The following ATP10B variants were observed in gnomAD, a reference collection of about 807,000 sequenced individuals.
ATP10B encodes the protein ATPase phospholipid transporting 10B (putative), also known as phospholipid-transporting ATPase VB.
A neutral mutation model predicts 141.2 loss-of-function variants in ATP10B; 122 were observed. The observed-to-expected ratio is 0.86, with a 90% CI of 0.75 to 1.00. The LOEUF (loss-of-function observed/expected upper bound fraction) is 1.00, where lower values mean the gene tolerates loss of function less well. Ranked by LOEUF, ATP10B falls within the 50% of genes least tolerant of loss-of-function variation. The pLI is 0.00. For missense variants in ATP10B, 1,876 were observed against 1,825.3 expected, an observed-to-expected ratio of 1.03 and a Z score of -0.51; for synonymous variants, 685 against 692.0, an observed-to-expected ratio of 0.99 and a Z score of 0.16.
the ATP10B span, among the ~76,000 whole-genome samples, chr5:160,919,540 T>C: frequency 8.2e-3 from 1,254 of 152,314 alleles, 23 homozygotes; most frequent in African/African-American, 0.028. Context: ...CTCATTTTCA[T>C]AGCAGTGAGA....
intron 2 of ATP10B, among the ~76,000 whole-genome samples, chr5:160,755,398 G>A (rs551253779): frequency 1.3e-5 from 2 of 152,064 alleles, no homozygotes; most frequent in Admixed American, 6.6e-5. Context: ...TTTCGTTGTC[G>A]TGTGAACATC....
At chr5:160,829,180 A>T (rs980050581) in intron 1 of ATP10B, among the ~76,000 whole-genome samples, 3 of 151,890 alleles carry the variant, frequency 2.0e-5, no homozygotes, top group Non-Finnish European at 4.4e-5. Context: ...CACATTGTGC[A>T]CATGTACCCT....
intron 6 of ATP10B, among the ~76,000 whole-genome samples, chr5:160,675,550 G>A (rs948175479): frequency 2.0e-5 from 3 of 152,170 alleles, no homozygotes; most frequent in Non-Finnish European, 4.4e-5. Flanking sequence ...CAGGCAACTA[G>A]AGTAGAGGGG....
intron 1 of ATP10B, among the ~76,000 whole-genome samples, chr5:160,795,324 A>T (rs1280650536): frequency 6.6e-6 from 1 of 152,214 alleles, no homozygotes; most frequent in African/African-American, 2.4e-5. Flanking sequence ...TATCATGCAT[A>T]TGGGTAAAAC....
the ATP10B span, among the ~76,000 whole-genome samples, chr5:160,897,178 A>C: frequency 2.6e-5 from 4 of 152,140 alleles, no homozygotes; most frequent in African/African-American, 4.8e-5. Flanking sequence ...ACATAGTATT[A>C]GAAGTTCTGG....
Position 160,666,738 on chromosome 5 carries a change from C to A in ATP10B, c.675+3725G>T, listed in dbSNP as rs540344061. The stretch of plus-strand genomic sequence containing the variant: ...AAAGTATAAGGGAGAAGCAAGGTCG[C>A]AAAGAGCAGCCAAGATGTCTCCCTC... On this transcript the variant is annotated intron_variant, in intron 7 of 25. Transcript: ENST00000327245. Among the ~76,000 whole-genome samples, 653 of 152,294 alleles carry A rather than the reference C, an allele frequency of 4.3e-3. 1 individual carries two copies. The highest frequency in any genetic ancestry group is 0.014 in the Middle Eastern group (4 of 294).
chr5:160,876,667 A>G, the ATP10B span, among the ~76,000 whole-genome samples: 11 of 152,282 alleles, frequency 7.2e-5, no homozygotes, highest in East Asian at 9.6e-4. Context: ...AAGAGAGTAG[A>G]ATCAAATAGA....
At chr5:160,899,397 G>C in the ATP10B span, among the ~76,000 whole-genome samples, 1 of 152,118 alleles carries the variant, frequency 6.6e-6, no homozygotes, top group East Asian at 1.9e-4. Flanking sequence ...TTGGGAGACA[G>C]GGTGGTGATA....
chr5:160,771,478 T>G (rs1769898228), intron 2 of ATP10B, among the ~76,000 whole-genome samples: 1 of 152,212 alleles, frequency 6.6e-6, no homozygotes, highest in African/African-American at 2.4e-5. Flanking sequence ...AAAGGTAGAT[T>G]TCTCATAAAT....
At chr5:160,630,214 C>T (rs944227755) in intron 13 of ATP10B, among the ~76,000 whole-genome samples, 3 of 152,228 alleles carry the variant, frequency 2.0e-5, no homozygotes, top group African/African-American at 4.8e-5. Flanking sequence ...AATTTCCTTA[C>T]TGCTCCTGAA....
At chr5:160,664,570 C>A (rs1762203427) in intron 7 of ATP10B, among the ~76,000 whole-genome samples, 1 of 152,206 alleles carries the variant, frequency 6.6e-6, no homozygotes, top group African/African-American at 2.4e-5. Context: ...GTCTTTCAAA[C>A]TTTCATGTAC....
chr5:160,634,395 C>A lies in ATP10B; in HGVS notation c.1340G>T (p.Arg447Leu). The A allele has an allele frequency of 2.5e-6, 4 of 1,614,120 alleles. No homozygotes were observed. Among genetic ancestry groups the A allele is most frequent in the Admixed American group, 1.7e-5 (1 of 60,024 alleles). The stretch of plus-strand genomic sequence containing the variant: ...ATACTCGCTGCCCATGATGGTGCAA[C>A]GTCGGAACACCATCTTGTTCTCTGT... ...TLTENKMVFR[R>L]CTIMGSEYSH... The change falls in exon 12 of 26, where the codon CGT (arginine) becomes CTT (leucine). Residue 447 changes from arginine to leucine, a missense_variant. By Grantham distance (102) the Arg-to-Leu change is moderately radical (BLOSUM62 -2). Transcript: ENST00000327245.
At chr5:160,865,463 T>C in the ATP10B span, among the ~76,000 whole-genome samples, 4 of 152,260 alleles carry the variant, frequency 2.6e-5, no homozygotes, top group East Asian at 5.8e-4. Flanking sequence ...CCTGAAACCA[T>C]ACAAATTCTA....
intron 1 of ATP10B, among the ~76,000 whole-genome samples, chr5:160,788,804 C>T (rs2127901918): frequency 6.6e-6 from 1 of 152,176 alleles, no homozygotes; most frequent in South Asian, 2.1e-4. Flanking sequence ...TGTGGAGCTG[C>T]CAGAGAACAT....
intron 24 of ATP10B, among the ~76,000 whole-genome samples, chr5:160,586,192 T>C (rs1487994992): frequency 3.3e-5 from 5 of 152,256 alleles, no homozygotes; most frequent in East Asian, 1.9e-4. Flanking sequence ...TGTGTTCTCA[T>C]TGTTGAACTC....
chr5:160,892,069 C>A, the ATP10B span, among the ~76,000 whole-genome samples: 3 of 152,332 alleles, frequency 2.0e-5, no homozygotes, highest in East Asian at 5.8e-4. Context: ...TTATTTGCTT[C>A]AGTCAGTAAA....
intron 2 of ATP10B, among the ~76,000 whole-genome samples, chr5:160,733,017 T>C (rs1263187251): frequency 1.3e-5 from 2 of 152,180 alleles, no homozygotes; most frequent in African/African-American, 4.8e-5. Context: ...TTGATAGGTA[T>C]TGTATTAAAT....
At chr5:160,753,197 C>G (rs528189561) in intron 2 of ATP10B, among the ~76,000 whole-genome samples, 1 of 152,162 alleles carries the variant, frequency 6.6e-6, no homozygotes, top group Non-Finnish European at 1.5e-5. Context: ...CCGTGCTTAT[C>G]TAAGTTTACA....
intron 11 of ATP10B, among the ~76,000 whole-genome samples, chr5:160,635,005 C>G (rs1158757112): frequency 6.6e-6 from 1 of 152,204 alleles, no homozygotes; most frequent in African/African-American, 2.4e-5. Flanking sequence ...CAAGTGCTTG[C>G]TGTGCATTTG....
Sources: allele counts gnomAD v4.1 joint callset (sites outside exome capture counted in the v4.1 genomes callset), GRCh38; gene constraint gnomAD v4.1.1; transcripts MANE v1.5; gene names NCBI Gene and HGNC (gene_info 2026-07-23, HGNC 2026-07-21).